QPCT: variants seen among roughly 807,000 people sequenced by gnomAD.
QPCT encodes glutaminyl-peptide cyclotransferase, also known as EC.
In QPCT, 44 loss-of-function variants were observed where a neutral mutation model predicts 43.4. That is an observed-to-expected ratio of 1.01 (90% CI 0.80 to 1.30). The LOEUF (loss-of-function observed/expected upper bound fraction) is 1.30. Ranked by LOEUF, QPCT falls within the 50% of genes most tolerant of loss-of-function variation. The pLI is 0.00. For synonymous variants in QPCT, 168 were observed against 168.4 expected (o/e 1.00, Z 0.02); for missense variants, 526 against 436.5 (o/e 1.21, Z -1.83).
intron 3 of QPCT, among the ~76,000 whole-genome samples, chr2:37,364,385 G>A (rs1343095133): frequency 6.6e-6 from 1 of 152,174 alleles, no homozygotes; most frequent in Non-Finnish European, 1.5e-5. Context: ...AGGCCTAGTG[G>A]TCGGTCCAGG....
At chr2:37,360,735 A>G (rs547580507) in intron 3 of QPCT, among the ~76,000 whole-genome samples, 5 of 152,290 alleles carry the variant, frequency 3.3e-5, no homozygotes, top group Non-Finnish European at 4.4e-5. Flanking sequence ...AGACTTGTTT[A>G]TACCCTCTCA....
rs760633891 is a variant in QPCT at position 37,372,334 on chromosome 2, ACTG to A, written c.824-21_824-19del. 21 of 1,468,916 alleles carry A rather than the reference ACTG, an allele frequency of 1.4e-5. No homozygotes were observed. Among genetic ancestry groups the A allele is most frequent in the Non-Finnish European group, 1.8e-5 (19 of 1,047,822 alleles). 91.0% of individuals were successfully genotyped at this position (1,468,916 alleles called of 1,614,324 possible). A position where few individuals can be genotyped will look rare whatever the true frequency, so the allele number is the denominator to read the frequency against. Reference sequence around the variant, plus strand: ...ATAAGATAAAAATAGTTGTTCATTTACTGTATAATTGTCATCTACAGAACATGA... The same window carrying A: ...ATAAGATAAAAATAGTTGTTCATTTATATAATTGTCATCTACAGAACATGA... On this transcript the variant is annotated intron_variant, in intron 5 of 6. Coordinates refer to ENST00000338415, the MANE Select transcript of QPCT (RefSeq NM_012413.4).
chr2:37,348,552 G>T (rs1311981436), intron 1 of QPCT, among the ~76,000 whole-genome samples: 1 of 152,206 alleles, frequency 6.6e-6, no homozygotes, highest in African/African-American at 2.4e-5. Flanking sequence ...ACTTGCATTG[G>T]CTGCATTTCT....
chr2:37,359,816 G>A lies in QPCT; in HGVS notation c.504G>A (p.Leu168=). Residue 168 remains leucine, a synonymous_variant, in exon 3 of 7, where the codon TTG becomes TTA. Coordinates refer to ENST00000338415, the MANE Select transcript of QPCT (RefSeq NM_012413.4). ...CAGCCGTGCCATGTGCAATGATGTT[G>A]GAACTTGCTCGTGCCTTAGACAAGA... ...TDSAVPCAMM[L]ELARALDKKL... 6.2e-7 allele frequency: 1 copy of A among 1,614,158 alleles called. No individual in the cohort carries two copies. Among genetic ancestry groups the A allele is most frequent in the South Asian group, 1.1e-5 (1 of 91,082 alleles).
chr2:37,369,404 C>G (rs975441927), intron 4 of QPCT, among the ~76,000 whole-genome samples: 1 of 152,158 alleles, frequency 6.6e-6, no homozygotes, highest in Non-Finnish European at 1.5e-5. Context: ...AATATTCATC[C>G]AAATGTCTTC....
At chr2:37,357,866 C>A (rs80023507) in intron 2 of QPCT, among the ~76,000 whole-genome samples, 3,568 of 149,378 alleles carry the variant, frequency 0.024, 65 homozygotes, top group Middle Eastern at 0.048. Context: ...GATAGAAAAT[C>A]CTGTATTTCT....
intron 2 of QPCT, among the ~76,000 whole-genome samples, chr2:37,356,735 C>T (rs1030085630): frequency 6.6e-6 from 1 of 152,162 alleles, no homozygotes; most frequent in African/African-American, 2.4e-5. Context: ...GGGCTGGGTG[C>T]GGTGGCTCAT....
chr2:37,372,837 T>C lies in QPCT; in HGVS notation c.*10T>C, dbSNP rs1673111046. ...ATATCTTCATTTGTAATACTCTGAT[T>C]TAGTTTAGGATAATTGGTTCTAGAA... On this transcript the variant is annotated 3_prime_UTR_variant, in exon 7 of 7. Transcript: ENST00000338415. 1 of 1,594,730 alleles carries C rather than the reference T, an allele frequency of 6.3e-7. No individual in the cohort carries two copies. The highest frequency in any genetic ancestry group is 1.3e-5 in the African/African-American group (1 of 74,208).
Position 37,369,701 on chromosome 2 carries a change from T to A in QPCT, c.740T>A (p.Leu247Ter). 6.2e-7 allele frequency: 1 copy of A among 1,600,928 alleles called. No homozygotes were observed. The highest frequency in any genetic ancestry group is 1.3e-5 in the African/African-American group (1 of 74,738). Residue 247 changes from leucine (L) to a stop codon, truncating the protein, a stop_gained, in exon 5 of 7, where the codon TTG becomes TAG. Coordinates refer to ENST00000338415, the MANE Select transcript of QPCT (RefSeq NM_012413.4). LOFTEE classifies it high-confidence loss of function. ...QLHGMDLLVL[L>*]DLIGAPNPTF... ...CTCCCTCAGGATTTATTGGTCTTATTGGATTTGATTGGAGCTCCAAACCCA... is the reference window on the plus strand; with the variant it reads ...CTCCCTCAGGATTTATTGGTCTTATAGGATTTGATTGGAGCTCCAAACCCA...
At chr2:37,365,008 T>TATTATC (rs1265047549) in intron 3 of QPCT, among the ~76,000 whole-genome samples, 1 of 146,984 alleles carries the variant, frequency 6.8e-6, no homozygotes, top group East Asian at 1.9e-4. Flanking sequence ...ACAATATTAT[T>TATTATC]ATTATTATTA....
Position 37,344,710 on chromosome 2 carries a change from G to A in QPCT, c.-22G>A, listed in dbSNP as rs758124901. On this transcript the variant is annotated 5_prime_UTR_variant, in exon 1 of 7. Coordinates refer to ENST00000338415, the MANE Select transcript of QPCT (RefSeq NM_012413.4). ...TGACCGCCAGCGGCCCGGGGAACCC[G>A]CTCCCAGACAGACTCGGAGAGATGG... is the stretch of plus-strand genomic sequence containing the variant. 2.8e-5 allele frequency: 45 copies of A among 1,589,070 alleles called. No homozygotes were observed. In the East Asian group the frequency reaches 3.5e-4, roughly 12 times the overall value.
intron 1 of QPCT, among the ~76,000 whole-genome samples, chr2:37,350,498 C>T (rs557795514): frequency 1.3e-5 from 2 of 152,150 alleles, no homozygotes; most frequent in African/African-American, 4.8e-5. Context: ...TTAAAAATGT[C>T]CTACCAATAA....
chr2:37,373,070 A>G lies in QPCT; in HGVS notation c.*243A>G. 3.1e-6 allele frequency: 1 copy of G among 318,302 alleles called. No individual in the cohort carries two copies. The highest frequency in any genetic ancestry group is 5.6e-6 in the Non-Finnish European group (1 of 177,142). 19.7% of individuals were successfully genotyped at this position (318,302 alleles called of 1,614,324 possible). On this transcript the variant is annotated 3_prime_UTR_variant, in exon 7 of 7. Transcript: ENST00000338415. ...AAGAGGGACCGTGTAAAGAAAATGG[A>G]AAATAAATATCTTTCAAAGACTCTT...
chr2:37,349,205 G>T (rs1445892003), intron 1 of QPCT, among the ~76,000 whole-genome samples: 2 of 152,168 alleles, frequency 1.3e-5, no homozygotes, highest in African/African-American at 4.8e-5. Flanking sequence ...CCCCCAGAGG[G>T]GCAAGGAGAG....
intron 4 of QPCT, among the ~76,000 whole-genome samples, chr2:37,369,011 AG>A (rs1298104474): frequency 6.6e-6 from 1 of 152,200 alleles, no homozygotes. Context: ...AATATGTGTT[AG>A]GATGTATGCT....
chr2:37,354,507 G>A lies in QPCT; in HGVS notation c.267+1572G>A, dbSNP rs987087619. The stretch of plus-strand genomic sequence containing the variant: ...AAAAAGATCTGAGGTTGAGGTATAT[G>A]AATTAACTTGCTCAAGGTTATACTT... On this transcript the variant is annotated intron_variant, in intron 2 of 6. Coordinates refer to ENST00000338415, the MANE Select transcript of QPCT (RefSeq NM_012413.4). Among the ~76,000 whole-genome samples, 8 of 152,282 alleles carry A rather than the reference G, an allele frequency of 5.3e-5. No individual in the cohort carries two copies. In the East Asian group the frequency reaches 1.2e-3, roughly 22 times the overall value.
chr2:37,367,265 C>T lies in QPCT; in HGVS notation c.580C>T (p.Gln194Ter). ...AGACTCCAAGCCAGATTTGTCACTC[C>T]AGCTGATCTTCTTTGATGGTGAAGA... ...VSDSKPDLSL[Q>*]LIFFDGEEAF... The change falls in exon 4 of 7, where the codon CAG (glutamine) becomes TAG (stop). Residue 194 changes from glutamine to a stop codon, truncating the protein, a stop_gained. Coordinates refer to ENST00000338415, the MANE Select transcript of QPCT (RefSeq NM_012413.4). LOFTEE classifies it high-confidence loss of function. The T allele has an allele frequency of 6.2e-7, 1 of 1,613,942 alleles. No homozygotes were observed. The highest frequency in any genetic ancestry group is 8.5e-7 in the Non-Finnish European group (1 of 1,179,900).
At chr2:37,365,679 T>TC (rs757883616) in intron 3 of QPCT, among the ~76,000 whole-genome samples, 4 of 152,176 alleles carry the variant, frequency 2.6e-5, no homozygotes, top group Non-Finnish European at 5.9e-5. Context: ...TAGAGCAATG[T>TC]CCTTGAGCAG....
intron 3 of QPCT, among the ~76,000 whole-genome samples, chr2:37,365,808 G>T (rs529548434): frequency 7.9e-5 from 12 of 152,268 alleles, no homozygotes; most frequent in African/African-American, 2.6e-4. Flanking sequence ...AGGGAGAGGA[G>T]GAATGTGAAA....
Sources: gnomAD v4.1 joint callset for allele counts (sites outside exome capture counted in the v4.1 genomes callset) on GRCh38, gnomAD v4.1.1 for gene constraint, MANE v1.5 for transcripts, NCBI Gene and HGNC (gene_info 2026-07-23, HGNC 2026-07-21) for gene names.